MAP7: variants seen among roughly 807,000 people sequenced by gnomAD.
The protein encoded by MAP7 is ensconsin.
A neutral mutation model predicts 94.8 loss-of-function variants in MAP7; 52 were observed. The ratio of observed to expected loss-of-function variants is 0.55; its 90% confidence interval spans 0.44 to 0.69. MAP7 has a LOEUF of 0.69. Ranked by LOEUF, MAP7 falls within the 30% of genes least tolerant of loss-of-function variation. The pLI is 0.00. For synonymous variants in MAP7, 350 were observed against 357.0 expected (o/e 0.98, Z 0.22); for missense variants, 940 against 964.6 (o/e 0.97, Z 0.34).
intron 3 of MAP7, among the ~76,000 whole-genome samples, chr6:136,399,707 T>A (rs896855396): frequency 6.6e-6 from 1 of 152,196 alleles, no homozygotes; most frequent in African/African-American, 2.4e-5. Context: ...TTATGCTTTA[T>A]CTCAATAATT....
intron 1 of MAP7, among the ~76,000 whole-genome samples, chr6:136,425,368 A>G (rs1411948061): frequency 1.3e-5 from 2 of 152,218 alleles, no homozygotes; most frequent in African/African-American, 4.8e-5. Context: ...CTTTGTGGAC[A>G]TAGACTTGTG....
In MAP7 at chr6:136,390,329, A is replaced by G. The variant is rs139887082; in HGVS notation, c.245-812T>C. Among the ~76,000 whole-genome samples the G allele has an allele frequency of 5.7e-3, 863 of 152,282 alleles. 16 individuals are homozygous for G. Among genetic ancestry groups the G allele is most frequent in the African/African-American group, 0.019 (802 of 41,550 alleles). On this transcript the variant is annotated intron_variant, in intron 3 of 17. Transcript: ENST00000354570. The stretch of plus-strand genomic sequence containing the variant: ...AAAGAGTAAATCTTGAGGACACTAC[A>G]TGGCATACAAATTAAAATGTTACTT...
intron 7 of MAP7, among the ~76,000 whole-genome samples, chr6:136,375,563 G>A (rs1775864129): frequency 6.6e-6 from 1 of 152,148 alleles, no homozygotes; most frequent in Non-Finnish European, 1.5e-5. Context: ...GACAATAGAT[G>A]AAAAATAAAA....
chr6:136,513,420 A>C (rs1290704859), intron 1 of MAP7, among the ~76,000 whole-genome samples: 2 of 152,212 alleles, frequency 1.3e-5, no homozygotes, highest in African/African-American at 4.8e-5. Context: ...TTCATCCATA[A>C]GAAGAAACTA....
At chr6:136,509,356 G>T (rs753172643) in intron 1 of MAP7, among the ~76,000 whole-genome samples, 3 of 152,090 alleles carry the variant, frequency 2.0e-5, no homozygotes, top group Non-Finnish European at 4.4e-5. Flanking sequence ...CAGGCTATAT[G>T]TCTTTCCACC....
At chr6:136,398,960 G>A (rs1314507544) in intron 3 of MAP7, among the ~76,000 whole-genome samples, 1 of 152,174 alleles carries the variant, frequency 6.6e-6, no homozygotes, top group African/African-American at 2.4e-5. Flanking sequence ...TATCAGGGGA[G>A]CATATATTTT....
intron 3 of MAP7, among the ~76,000 whole-genome samples, chr6:136,408,860 T>A (rs1012928725): frequency 9.2e-5 from 14 of 152,190 alleles, no homozygotes; most frequent in Non-Finnish European, 5.9e-5. Flanking sequence ...CCTTTGATTT[T>A]TTTTGGTACT....
At chr6:136,517,053 C>T (rs1825085748) in intron 1 of MAP7, among the ~76,000 whole-genome samples, 1 of 151,988 alleles carries the variant, frequency 6.6e-6, no homozygotes, top group Admixed American at 6.6e-5. Context: ...TAAGGCAGAT[C>T]AGAGTTTTCC....
chr6:136,391,430 T>G, intron 3 of MAP7, among the ~76,000 whole-genome samples: 1 of 142,494 alleles, frequency 7.0e-6, no homozygotes, highest in Admixed American at 7.0e-5. Context: ...AGGGATAGCA[T>G]TGGGAGATAT....
intron 1 of MAP7, among the ~76,000 whole-genome samples, chr6:136,496,777 T>TTAA (rs1818353777): frequency 3.8e-5 from 2 of 53,300 alleles, no homozygotes; most frequent in East Asian, 4.7e-4. Context: ...CCGTCTCTAC[T>TTAA]AAAAAAAAAA....
intron 1 of MAP7, among the ~76,000 whole-genome samples, chr6:136,428,178 G>A (rs557678365): frequency 1.3e-5 from 2 of 152,262 alleles, no homozygotes; most frequent in African/African-American, 4.8e-5. Context: ...AGAAGTTGAG[G>A]CAGTTGGATT....
intron 2 of MAP7, among the ~76,000 whole-genome samples, chr6:136,414,758 C>T (rs1014804136): frequency 8.6e-5 from 13 of 151,892 alleles, no homozygotes; most frequent in African/African-American, 3.1e-4. Flanking sequence ...CCTCTTACCT[C>T]AGCCTACCAA....
intron 8 of MAP7, among the ~76,000 whole-genome samples, chr6:136,371,835 G>C (rs1403014890): frequency 6.6e-6 from 1 of 152,170 alleles, no homozygotes; most frequent in African/African-American, 2.4e-5. Context: ...TTACCTCATT[G>C]CATTTATAGC....
At chr6:136,523,847 G>C (rs575464251) in intron 1 of MAP7, among the ~76,000 whole-genome samples, 127 of 152,210 alleles carry the variant, frequency 8.3e-4, no homozygotes, top group Non-Finnish European at 1.3e-3. Context: ...GTTTTTCGAA[G>C]CATCTTCTTT....
At chr6:136,449,233 C>T (rs1405130495) in intron 1 of MAP7, among the ~76,000 whole-genome samples, 4 of 151,870 alleles carry the variant, frequency 2.6e-5, no homozygotes, top group African/African-American at 4.8e-5. Flanking sequence ...AGGCGGAGCT[C>T]GCAGTGAGCA....
chr6:136,467,042 A>G lies in MAP7; in HGVS notation c.68-45243T>C, dbSNP rs1043730143. 1.2e-5 allele frequency: 4 copies of G among 321,606 alleles called. No individual in the cohort carries two copies. The South Asian group carries it at 4.9e-4, about 39-fold the overall frequency. The allele number at this position is 321,606 out of a possible 1,614,324, so 19.9% of individuals were successfully genotyped here. A position where few individuals can be genotyped will look rare whatever the true frequency, so the allele number is the denominator to read the frequency against. Reference sequence around the variant, plus strand: ...AACTGGGAAATGCTTCTGTTCAAAAAAGCCAGTGAAGCTCAAATGGCTATG... The same window carrying G: ...AACTGGGAAATGCTTCTGTTCAAAAGAGCCAGTGAAGCTCAAATGGCTATG... On this transcript the variant is annotated intron_variant, in intron 1 of 17. Transcript: ENST00000354570.
At chr6:136,543,249 C>T (rs762988599) in intron 1 of MAP7, among the ~76,000 whole-genome samples, 5 of 152,182 alleles carry the variant, frequency 3.3e-5, no homozygotes, top group Non-Finnish European at 7.3e-5. Flanking sequence ...CATACAATGG[C>T]AAACTACTTC....
intron 1 of MAP7, among the ~76,000 whole-genome samples, chr6:136,546,288 C>T (rs929954183): frequency 6.6e-6 from 1 of 151,876 alleles, no homozygotes; most frequent in Non-Finnish European, 1.5e-5. Flanking sequence ...GGTGAGATTA[C>T]AGGCGTGAGC....
At chr6:136,400,810 C>T (rs1306066478) in intron 3 of MAP7, among the ~76,000 whole-genome samples, 3 of 152,218 alleles carry the variant, frequency 2.0e-5, no homozygotes, top group African/African-American at 7.2e-5. Context: ...ATATTCACTT[C>T]TGCATGCTTC....
Sources: gnomAD v4.1 joint callset for allele counts (sites outside exome capture counted in the v4.1 genomes callset) on GRCh38, gnomAD v4.1.1 for gene constraint, MANE v1.5 for transcripts, NCBI Gene and HGNC (gene_info 2026-07-23, HGNC 2026-07-21) for gene names.